The following PTCHD4 variants were observed in gnomAD, a reference collection of about 807,000 sequenced individuals.
The protein encoded by PTCHD4 is patched domain-containing protein 4.
PTCHD4 carries 33 observed loss-of-function variants against 58.1 expected under a neutral mutation model. The observed-to-expected ratio is 0.57, with a 90% CI of 0.43 to 0.76. The LOEUF (loss-of-function observed/expected upper bound fraction) is 0.76, where lower values mean the gene tolerates loss of function less well. Ranked by LOEUF, PTCHD4 falls within the 30% of genes least tolerant of loss-of-function variation. The pLI, the probability that PTCHD4 is intolerant of heterozygous loss-of-function variation, is 0.00. For synonymous variants in PTCHD4, 478 were observed against 409.6 expected, an observed-to-expected ratio of 1.17 and a Z score of -2.02; for missense variants, 1,058 against 1,027.1, an observed-to-expected ratio of 1.03 and a Z score of -0.41.
chr6:47,910,577 A>G (rs1765038221), intron 4 of PTCHD4, among the ~76,000 whole-genome samples: 1 of 152,136 alleles, frequency 6.6e-6, no homozygotes, highest in Non-Finnish European at 1.5e-5. Context: ...ACATTCTTTT[A>G]GCTTTGGTTC....
intron 4 of PTCHD4, among the ~76,000 whole-genome samples, chr6:47,982,481 C>CTTTTTTTTTTTT (rs375869071): frequency 3.1e-5 from 4 of 130,792 alleles, no homozygotes; most frequent in Admixed American, 8.4e-5. Context: ...TTATCTCTCT[C>CTTTTTTTTTTTT]TTTTTTTTTT....
chr6:48,082,626 T>G (rs1765187585), intron 1 of PTCHD4, among the ~76,000 whole-genome samples: 1 of 152,158 alleles, frequency 6.6e-6, no homozygotes, highest in Non-Finnish European at 1.5e-5. Context: ...TTTCTTTAGC[T>G]CTTTCTTTTT....
chr6:47,934,141 A>T (rs1299148575), intron 4 of PTCHD4, among the ~76,000 whole-genome samples: 1 of 152,138 alleles, frequency 6.6e-6, no homozygotes, highest in Non-Finnish European at 1.5e-5. Flanking sequence ...AACTCCAACT[A>T]GCTTGCCCAC....
At chr6:47,974,676 G>A (rs2113995735) in intron 4 of PTCHD4, among the ~76,000 whole-genome samples, 1 of 152,300 alleles carries the variant, frequency 6.6e-6, no homozygotes, top group South Asian at 2.1e-4. Flanking sequence ...TGAGAATGCT[G>A]TACGAATATA....
intron 4 of PTCHD4, among the ~76,000 whole-genome samples, chr6:47,916,914 C>T (rs1202650280): frequency 6.6e-6 from 1 of 151,924 alleles, no homozygotes; most frequent in African/African-American, 2.4e-5. Context: ...TGGGGTGGTA[C>T]TCCTCAGTTA....
At chr6:47,972,458 A>T (rs1435874640) in intron 4 of PTCHD4, among the ~76,000 whole-genome samples, 3 of 152,106 alleles carry the variant, frequency 2.0e-5, no homozygotes, top group Non-Finnish European at 4.4e-5. Flanking sequence ...GGAAACAAAT[A>T]TTTTTTAAAA....
At chr6:47,922,927 C>T (rs935564558) in intron 4 of PTCHD4, among the ~76,000 whole-genome samples, 1 of 152,156 alleles carries the variant, frequency 6.6e-6, no homozygotes, top group African/African-American at 2.4e-5. Flanking sequence ...ATTGCTGACA[C>T]TGTTTTTGGT....
intron 4 of PTCHD4, among the ~76,000 whole-genome samples, chr6:47,913,944 A>G (rs1455827860): frequency 1.3e-5 from 2 of 152,150 alleles, no homozygotes; most frequent in African/African-American, 4.8e-5. Flanking sequence ...CACACTCTGT[A>G]TCCAGACTGC....
At chr6:47,974,969 C>T (rs946189875) in intron 4 of PTCHD4, among the ~76,000 whole-genome samples, 8 of 152,118 alleles carry the variant, frequency 5.3e-5, no homozygotes, top group African/African-American at 1.9e-4. Context: ...ACTAGGAACC[C>T]TCCTACGTAC....
intron 3 of PTCHD4, among the ~76,000 whole-genome samples, chr6:48,038,663 CAAAAAAA>C (rs11417903): frequency 1.7e-5 from 2 of 120,136 alleles, no homozygotes; most frequent in Non-Finnish European, 3.4e-5. Context: ...AAGTCTGTCT[CAAAAAAA>C]AAAAAAAAAA....
At chr6:47,952,296 T>C (rs902630738) in intron 4 of PTCHD4, among the ~76,000 whole-genome samples, 2 of 152,136 alleles carry the variant, frequency 1.3e-5, no homozygotes, top group African/African-American at 4.8e-5. Context: ...TTTTCTTATC[T>C]ATCGCAGCTA....
intron 1 of PTCHD4, among the ~76,000 whole-genome samples, chr6:48,078,625 T>G (rs1390752238): frequency 6.6e-6 from 1 of 152,242 alleles, no homozygotes; most frequent in East Asian, 1.9e-4. Context: ...AGTTTTAATC[T>G]ATAACATAAC....
At position 47,870,285 on chromosome 6, in the gene PTCHD4, T is replaced by C. The variant is rs1454860220; in HGVS notation, c.*8018A>G. On this transcript the variant is annotated 3_prime_UTR_variant, in exon 5 of 5. Transcript: ENST00000339488. Reference sequence around the variant, plus strand: ...CTGTAAGCTTTAGATAATAGATTTGTCATGCAGATAAATTATGAGCAATTT... The same window carrying C: ...CTGTAAGCTTTAGATAATAGATTTGCCATGCAGATAAATTATGAGCAATTT... Among the ~76,000 whole-genome samples, 2 of 151,648 alleles carry C rather than the reference T, an allele frequency of 1.3e-5. No individual in the cohort carries two copies. Among genetic ancestry groups the C allele is most frequent in the Non-Finnish European group, 3.0e-5 (2 of 67,720 alleles).
At chr6:48,024,947 A>G (rs991355252) in intron 3 of PTCHD4, among the ~76,000 whole-genome samples, 2 of 152,190 alleles carry the variant, frequency 1.3e-5, no homozygotes, top group African/African-American at 4.8e-5. Context: ...AGATGACATG[A>G]TTCTACATCA....
chr6:48,094,713 A>AGTTGGGGT (rs1765427862), intron 1 of PTCHD4, among the ~76,000 whole-genome samples: 1 of 152,234 alleles, frequency 6.6e-6, no homozygotes. Context: ...TATAAGGAAG[A>AGTTGGGGT]GTTGGGGTAA....
intron 1 of PTCHD4, among the ~76,000 whole-genome samples, chr6:48,080,102 G>T (rs572918411): frequency 1.4e-5 from 2 of 147,088 alleles, no homozygotes; most frequent in Admixed American, 7.2e-5. Context: ...GAGATTTCTT[G>T]CTGGAAAAAA....
At chr6:48,029,165 G>A (rs866637558) in intron 3 of PTCHD4, among the ~76,000 whole-genome samples, 6 of 151,804 alleles carry the variant, frequency 4.0e-5, no homozygotes, top group African/African-American at 7.3e-5. Flanking sequence ...TTTCCTTATC[G>A]GAAAATTCTC....
At chr6:48,071,255 G>A (rs1764969844) in intron 1 of PTCHD4, among the ~76,000 whole-genome samples, 1 of 152,042 alleles carries the variant, frequency 6.6e-6, no homozygotes, top group Admixed American at 6.6e-5. Context: ...ATAGAATTAG[G>A]GAAGAATAAA....
At chr6:47,969,196 A>G (rs1767409376) in intron 4 of PTCHD4, among the ~76,000 whole-genome samples, 1 of 152,198 alleles carries the variant, frequency 6.6e-6, no homozygotes, top group Non-Finnish European at 1.5e-5. Context: ...TCATCTATTC[A>G]TCCCGTAAAC....
Sources: allele counts gnomAD v4.1 joint callset (sites outside exome capture counted in the v4.1 genomes callset), GRCh38; gene constraint gnomAD v4.1.1; transcripts MANE v1.5; gene names NCBI Gene and HGNC (gene_info 2026-07-23, HGNC 2026-07-21).